Variants in BARD1 observed in about 807,000 individuals in gnomAD.
BARD1 encodes BRCA1-associated RING domain protein 1.
Under a neutral mutation model 77.0 loss-of-function variants are expected in BARD1, and 73 were observed. The observed-to-expected ratio is 0.95, with a 90% CI of 0.79 to 1.15. The LOEUF is 1.15. Ranked by LOEUF, BARD1 falls within the 50% of genes most tolerant of loss-of-function variation. The probability of loss-of-function intolerance (pLI) is 0.00; values close to 1 mark genes in which losing one functional copy is unlikely to be tolerated. For synonymous variants in BARD1, 384 were observed against 338.0 expected (o/e 1.14, Z -1.49); for missense variants, 993 against 938.8 (o/e 1.06, Z -0.75).
intron 6 of BARD1, among the ~76,000 whole-genome samples, chr2:214,753,043 T>C (rs1048834257): frequency 6.6e-6 from 1 of 152,130 alleles, no homozygotes; most frequent in African/African-American, 2.4e-5. Flanking sequence ...AATTTAAACA[T>C]GTGTGCATAC....
At chr2:214,783,797 G>T (rs1448404231) in intron 3 of BARD1, among the ~76,000 whole-genome samples, 1 of 152,054 alleles carries the variant, frequency 6.6e-6, no homozygotes, top group Non-Finnish European at 1.5e-5. Flanking sequence ...AAATGATGTT[G>T]GGAAAACTGG....
At chr2:214,797,215 C>A in intron 1 of BARD1, 98 bp from the exon 2 acceptor site, 1 of 972,818 alleles carries the variant, frequency 1.0e-6, no homozygotes, top group Non-Finnish European at 1.7e-6. Context: ...CCATATTTCT[C>A]ACTTTCTCAA....
At chr2:214,809,069 G>T (rs73989371) in intron 1 of BARD1, among the ~76,000 whole-genome samples, 12,713 of 152,198 alleles carry the variant, frequency 0.084, 688 homozygotes, top group African/African-American at 0.15. Context: ...AAAAAATGCA[G>T]AAGCCTCAGC....
chr2:214,795,682 T>C (rs2106142765), intron 2 of BARD1, among the ~76,000 whole-genome samples: 1 of 152,126 alleles, frequency 6.6e-6, no homozygotes, highest in South Asian at 2.1e-4. Context: ...GTGGAAAAAT[T>C]CAAGATTCAG....
chr2:214,771,428 T>TC (rs1411596675), intron 4 of BARD1, among the ~76,000 whole-genome samples: 3 of 152,166 alleles, frequency 2.0e-5, no homozygotes, highest in Non-Finnish European at 4.4e-5. Flanking sequence ...GATTTTTTTT[T>TC]CTTTTTAAAA....
intron 4 of BARD1, among the ~76,000 whole-genome samples, chr2:214,777,834 G>C (rs1189217610): frequency 6.6e-6 from 1 of 152,192 alleles, no homozygotes; most frequent in Non-Finnish European, 1.5e-5. Context: ...ATTGCAATAT[G>C]TGTACACATA....
intron 4 of BARD1, among the ~76,000 whole-genome samples, chr2:214,778,452 A>G (rs1265361758): frequency 6.6e-6 from 1 of 152,124 alleles, no homozygotes. Context: ...AGGAAATAAA[A>G]ATGGATTTAA....
intron 4 of BARD1, among the ~76,000 whole-genome samples, chr2:214,777,090 G>C (rs535654484): frequency 2.6e-5 from 4 of 152,254 alleles, no homozygotes; most frequent in African/African-American, 9.6e-5. Flanking sequence ...CCTGAAAACA[G>C]CTGACAACAT....
At chr2:214,759,199 C>T (rs921441427) in intron 6 of BARD1, among the ~76,000 whole-genome samples, 1 of 151,944 alleles carries the variant, frequency 6.6e-6, no homozygotes, top group African/African-American at 2.4e-5. Flanking sequence ...TCCAATGGTC[C>T]ATGTAATATT....
intron 1 of BARD1, among the ~76,000 whole-genome samples, chr2:214,802,388 T>C (rs998122713): frequency 2.0e-5 from 3 of 152,226 alleles, no homozygotes; most frequent in Non-Finnish European, 4.4e-5. Context: ...GGCTATGCTA[T>C]GATGTTTGGT....
At chr2:214,768,928 T>G (rs1381961509) in intron 5 of BARD1, among the ~76,000 whole-genome samples, 1 of 152,170 alleles carries the variant, frequency 6.6e-6, no homozygotes, top group Non-Finnish European at 1.5e-5. Flanking sequence ...TGACATGCAG[T>G]GCTACAGAAT....
At chr2:214,789,375 TA>T (rs772623207) in intron 3 of BARD1, among the ~76,000 whole-genome samples, 1,713 of 141,284 alleles carry the variant, frequency 0.012, 8 homozygotes, top group Middle Eastern at 0.08. Context: ...CTATCTCTTC[TA>T]AAAAAAAAAA....
At chr2:214,796,487 A>C (rs1464303177) in intron 2 of BARD1, among the ~76,000 whole-genome samples, 5 of 152,208 alleles carry the variant, frequency 3.3e-5, no homozygotes. Context: ...ACATGAAAGC[A>C]AAGACCAGAG....
intron 3 of BARD1, among the ~76,000 whole-genome samples, chr2:214,788,556 T>C (rs1695377857): frequency 6.6e-6 from 1 of 152,088 alleles, no homozygotes; most frequent in African/African-American, 2.4e-5. Flanking sequence ...TATATTATAG[T>C]AAATGCAAGT....
At chr2:214,739,400 A>T (rs927084396) in intron 9 of BARD1, among the ~76,000 whole-genome samples, 2 of 152,152 alleles carry the variant, frequency 1.3e-5, no homozygotes, top group African/African-American at 4.8e-5. Flanking sequence ...AAATTAAAGA[A>T]TTTCCTTTGA....
In BARD1 at chr2:214,726,492, AT is replaced by A. The variant is rs1315240996; in HGVS notation, c.*2183del. The A allele has an allele frequency of 3.2e-5, 7 of 218,346 alleles. No homozygotes were observed. Among genetic ancestry groups the A allele is most frequent in the South Asian group, 3.7e-4 (2 of 5,400 alleles). 13.5% of individuals were successfully genotyped at this position (218,346 alleles called of 1,614,324 possible). On this transcript the variant is annotated 3_prime_UTR_variant, in exon 11 of 11. Transcript: ENST00000260947. ...ATAAAGTATCTAGTACACTTTAGAAATATTTTTATTCAAAATTAATTAAAAA... is the reference window on the plus strand; with the variant it reads ...ATAAAGTATCTAGTACACTTTAGAAAATTTTTATTCAAAATTAATTAAAAA...
At chr2:214,766,504 T>C (rs1043132995) in intron 6 of BARD1, among the ~76,000 whole-genome samples, 1 of 152,236 alleles carries the variant, frequency 6.6e-6, no homozygotes, top group Admixed American at 6.5e-5. Flanking sequence ...AATTTTTCCA[T>C]TAAATGAAAG....
rs1427833930 is a variant in BARD1, at chr2:214,727,207, G to GA, written c.*1468dup. The GA allele has an allele frequency of 1.8e-5, 4 of 225,344 alleles. No homozygotes were observed. Among genetic ancestry groups the GA allele is most frequent in the African/African-American group, 8.9e-5 (4 of 45,000 alleles). 14.0% of individuals were successfully genotyped at this position (225,344 alleles called of 1,614,324 possible). A position where few individuals can be genotyped will look rare whatever the true frequency, so the allele number is the denominator to read the frequency against. On this transcript the variant is annotated 3_prime_UTR_variant, in exon 11 of 11. Transcript: ENST00000260947. ...ATTTTGTTCATATATTTCTTGATATGAAAAAACAACATGTCAAAGAAAGAA... is the reference window on the plus strand; with the variant it reads ...ATTTTGTTCATATATTTCTTGATATGAAAAAAACAACATGTCAAAGAAAGAA...
intron 1 of BARD1, among the ~76,000 whole-genome samples, chr2:214,798,454 T>C (rs1398064191): frequency 6.6e-6 from 1 of 152,164 alleles, no homozygotes; most frequent in East Asian, 1.9e-4. Context: ...CTTTTCCCCA[T>C]CAAGTGTACT....
Sources: allele counts gnomAD v4.1 joint callset (sites outside exome capture counted in the v4.1 genomes callset), GRCh38; gene constraint gnomAD v4.1.1; transcripts MANE v1.5; gene names NCBI Gene and HGNC (gene_info 2026-07-23, HGNC 2026-07-21).